The following NINL variants were observed in gnomAD, a reference collection of about 807,000 sequenced individuals.
The protein encoded by NINL is ninein like.
NINL carries 153 observed loss-of-function variants against 160.3 expected under a neutral mutation model. The ratio of observed to expected loss-of-function variants is 0.95; its 90% CI spans 0.84 to 1.09. The LOEUF (loss-of-function observed/expected upper bound fraction) is 1.09, where lower values mean the gene tolerates loss of function less well. Ranked by LOEUF, NINL falls within the 50% of genes least tolerant of loss-of-function variation. The pLI, the probability that NINL is intolerant of heterozygous loss-of-function variation, is 0.00. For synonymous variants in NINL, 800 were observed against 734.8 expected (o/e 1.09, Z -1.43); for missense variants, 1,829 against 1,764.0 (o/e 1.04, Z -0.66).
chr20:25,479,009 C>T lies in NINL; in HGVS notation c.2115G>A (p.Glu705=), dbSNP rs1165619540. ...AGGGTGCCAGGCCCATCTGCTCAGG[C>T]TCGGGGCCGCGGGCTGTGTCCTGCA... ...EQLQDTARGP[E]PEQMGLAPCC... The change falls in exon 16 of 24, where the codon GAG becomes GAA. Residue 705 remains glutamate (E), a synonymous_variant. Transcript: ENST00000278886. 1.2e-6 allele frequency: 2 copies of T among 1,608,390 alleles called. No individual in the cohort carries two copies. The highest frequency in any genetic ancestry group is 2.2e-5 in the South Asian group (2 of 91,028).
At chr20:25,506,684 T>C (rs1267472218) in intron 5 of NINL, among the ~76,000 whole-genome samples, 2 of 152,246 alleles carry the variant, frequency 1.3e-5, no homozygotes, top group Non-Finnish European at 2.9e-5. Flanking sequence ...ATGTCTCATG[T>C]AATCTACTGA....
intron 1 of NINL, among the ~76,000 whole-genome samples, chr20:25,559,102 G>A (rs914862317): frequency 2.0e-5 from 3 of 152,206 alleles, no homozygotes; most frequent in African/African-American, 4.8e-5. Flanking sequence ...TGATTATCAC[G>A]TGATGACCTG....
intron 22 of NINL, among the ~76,000 whole-genome samples, chr20:25,456,847 G>C (rs886980367): frequency 2.8e-4 from 42 of 152,030 alleles, no homozygotes; most frequent in African/African-American, 1.0e-3. Context: ...CAGGAGAATT[G>C]CTTGAACCCA....
Position 25,510,697 on chromosome 20 carries a change from T to G in NINL, c.494A>C (p.Gln165Pro). 1.2e-6 allele frequency: 2 copies of G among 1,613,864 alleles called. No homozygotes were observed. The highest frequency in any genetic ancestry group is 1.7e-6 in the Non-Finnish European group (2 of 1,179,886). The change falls in exon 5 of 24, where the codon CAG (glutamine) becomes CCG (proline). Residue 165 changes from glutamine to proline, a missense_variant. Transcript: ENST00000278886. ...DEEAESTKEA[Q>P]NELFEAQGQL... The stretch of plus-strand genomic sequence containing the variant: ...ACCTTGTGCTTCAAATAATTCATTC[T>G]GAGCTTCTTTAGTGCTCTCGGCCTC...
At position 25,517,065 on chromosome 20, in the gene NINL, C is replaced by T. The variant is rs534677651; in HGVS notation, c.277+688G>A. ...TTGTAAACGTACACAAAGCTCAATG[C>T]CATACGCTCACACAGAAAACCTCTG... is the stretch of plus-strand genomic sequence containing the variant. On this transcript the variant is annotated intron_variant, in intron 3 of 23. Transcript: ENST00000278886. Among the ~76,000 whole-genome samples the T allele has an allele frequency of 2.2e-4, 33 of 152,150 alleles. No individual in the cohort carries two copies. In the South Asian group the frequency reaches 5.8e-3, roughly 27 times the overall value.
chr20:25,496,710 C>T lies in NINL; in HGVS notation c.1263G>A (p.Met421Ile). Residue 421 changes from methionine to isoleucine, a missense_variant, in exon 10 of 24, where the codon ATG (methionine) becomes ATA (isoleucine). Physicochemically the swap from Met to Ile is conservative, Grantham distance 10 (BLOSUM62 1). Transcript: ENST00000278886. ...EKRNLEFVKE[M>I]DDCHSTLEQL... Reference sequence around the variant, plus strand: ...GCTCCAGGGTGGAGTGGCAGTCGTCCATCTCTTTCACAAACTCCAGGTTCC... The same window carrying T: ...GCTCCAGGGTGGAGTGGCAGTCGTCTATCTCTTTCACAAACTCCAGGTTCC... 4 of 1,614,078 alleles carry T rather than the reference C, an allele frequency of 2.5e-6. No individual in the cohort carries two copies. The highest frequency in any genetic ancestry group is 3.4e-6 in the Non-Finnish European group (4 of 1,180,022).
At chr20:25,496,360 C>G (rs1457420742) in intron 10 of NINL, among the ~76,000 whole-genome samples, 7 of 152,180 alleles carry the variant, frequency 4.6e-5, no homozygotes, top group Non-Finnish European at 1.5e-5. Flanking sequence ...AGGCACGCAG[C>G]TAGGGGCCGA....
At position 25,584,165 on chromosome 20, in the gene NINL, A is replaced by AAAAAC. The variant is rs562846725; in HGVS notation, c.-12+1285_-12+1289dup. Among the ~76,000 whole-genome samples the AAAAAC allele has an allele frequency of 2.6e-3, 399 of 152,284 alleles. 1 individual carries two copies. The highest frequency in any genetic ancestry group is 4.4e-3 in the South Asian group (21 of 4,816). On this transcript the variant is annotated intron_variant, in intron 1 of 23. Coordinates refer to ENST00000278886, the MANE Select transcript of NINL (RefSeq NM_025176.6). ...TTAAAGTAAAATAAAATTAAAAAAC[A>AAAAAC]AAAACAAAACAAAACAAAAACTTGG...
intron 1 of NINL, among the ~76,000 whole-genome samples, chr20:25,539,055 G>A (rs560583427): frequency 3.3e-5 from 5 of 152,258 alleles, no homozygotes; most frequent in African/African-American, 4.8e-5. Flanking sequence ...TTACCAAAAC[G>A]TACACTAACA....
At chr20:25,580,348 A>T (rs4813571) in intron 1 of NINL, among the ~76,000 whole-genome samples, 131,980 of 150,802 alleles carry the variant, frequency 0.88, 57,948 homozygotes, top group East Asian at 0.99. Flanking sequence ...AAAAAAAAAA[A>T]TGTAATGATT....
intron 2 of NINL, among the ~76,000 whole-genome samples, chr20:25,518,340 C>A (rs144440007): frequency 2.0e-5 from 3 of 152,274 alleles, no homozygotes; most frequent in African/African-American, 7.2e-5. Flanking sequence ...GCTATAGTAC[C>A]CACCTGAGGA....
intron 1 of NINL, among the ~76,000 whole-genome samples, chr20:25,549,164 G>A (rs1425074268): frequency 1.9e-3 from 62 of 32,380 alleles, no homozygotes; most frequent in African/African-American, 2.2e-3. Context: ...GCCTGACCCC[G>A]GCACCCACGG....
At chr20:25,485,674 TTG>T (rs2063491773) in intron 13 of NINL, among the ~76,000 whole-genome samples, 1 of 152,248 alleles carries the variant, frequency 6.6e-6, no homozygotes, top group African/African-American at 2.4e-5. Context: ...TTACTCCCAT[TTG>T]TGTCTTTTGA....
At chr20:25,547,662 G>C (rs981215092) in intron 1 of NINL, among the ~76,000 whole-genome samples, 21 of 152,178 alleles carry the variant, frequency 1.4e-4, no homozygotes, top group East Asian at 3.9e-4. Flanking sequence ...CTGCTGAGTA[G>C]AGAAACCATG....
chr20:25,468,893 GT>G (rs2063004617), intron 18 of NINL, among the ~76,000 whole-genome samples: 7 of 136,758 alleles, frequency 5.1e-5, no homozygotes, highest in African/African-American at 1.8e-4. Flanking sequence ...GTGCCCCACT[GT>G]CCTGTCCCTT....
At chr20:25,505,759 C>A (rs761556920) in intron 5 of NINL, among the ~76,000 whole-genome samples, 2 of 152,126 alleles carry the variant, frequency 1.3e-5, no homozygotes, top group African/African-American at 2.4e-5. Flanking sequence ...GATGGATGGA[C>A]AGACAGAGGG....
At chr20:25,474,597 A>G (rs2063185533) in intron 17 of NINL, among the ~76,000 whole-genome samples, 1 of 152,032 alleles carries the variant, frequency 6.6e-6, no homozygotes, top group Non-Finnish European at 1.5e-5. Context: ...TACTCTAAAC[A>G]GAGTTTCACT....
At chr20:25,526,248 T>C (rs6107049) in intron 2 of NINL, among the ~76,000 whole-genome samples, 160 bp downstream of exon 2, 13,548 of 152,314 alleles carry the variant, frequency 0.089, 677 homozygotes, top group Non-Finnish European at 0.11. Flanking sequence ...CTTTCTACAA[T>C]GTAGAATTTC....
intron 1 of NINL, among the ~76,000 whole-genome samples, chr20:25,571,755 T>A (rs1223136112): frequency 1.3e-5 from 2 of 150,386 alleles, no homozygotes; most frequent in Admixed American, 1.3e-4. Context: ...TAATCCCAGT[T>A]ACTCAGGAGG....
Sources: gnomAD v4.1 joint callset for allele counts (sites outside exome capture counted in the v4.1 genomes callset) on GRCh38, gnomAD v4.1.1 for gene constraint, MANE v1.5 for transcripts, NCBI Gene and HGNC (gene_info 2026-07-23, HGNC 2026-07-21) for gene names.